NLGN4X: variants seen among roughly 807,000 people sequenced by gnomAD.
NLGN4X encodes neuroligin-4, X-linked.
NLGN4X carries 3 observed loss-of-function variants against 40.3 expected under a neutral mutation model. The observed-to-expected ratio is 0.07, with a 90% CI of 0.03 to 0.19. The LOEUF (loss-of-function observed/expected upper bound fraction) is 0.19, where lower values mean the gene tolerates loss of function less well. NLGN4X is among the 10% of genes least tolerant of loss of function. The pLI, the probability that NLGN4X is intolerant of heterozygous loss-of-function variation, is 1.00. For synonymous variants in NLGN4X, 270 were observed against 306.8 expected, an observed-to-expected ratio of 0.88 and a Z score of 1.25; for missense variants, 382 against 708.3, an observed-to-expected ratio of 0.54 and a Z score of 5.23.
At chrX:6,139,716 GT>G (rs771266128) in intron 2 of NLGN4X, among the ~76,000 whole-genome samples, 74 of 111,692 alleles carry the variant, frequency 6.6e-4, no homozygotes, top group African/African-American at 2.3e-3. Flanking sequence ...TTGATGAAAC[GT>G]TGGTTTAGTT....
chrX:6,226,760 G>A (rs1297287297), intron 1 of NLGN4X: 1 of 118,826 alleles, frequency 8.4e-6, no homozygotes, highest in Non-Finnish European at 1.7e-5. Context: ...GAAAACCAGA[G>A]GCGGAGGGAG....
At chrX:6,071,146 T>C (rs759958379) in intron 2 of NLGN4X, among the ~76,000 whole-genome samples, 1 of 111,642 alleles carries the variant, frequency 9.0e-6, no homozygotes, top group African/African-American at 3.3e-5. Flanking sequence ...TTTCATAAAC[T>C]TGGGCAGAGA....
At chrX:5,908,806 C>G (rs779607482) in intron 4 of NLGN4X, among the ~76,000 whole-genome samples, 6 of 111,615 alleles carry the variant, frequency 5.4e-5, no homozygotes, top group Non-Finnish European at 1.1e-4. Context: ...ATGGGAGAAG[C>G]CTTAAGCCCA....
chrX:5,960,744 G>C (rs1030341170), intron 3 of NLGN4X, among the ~76,000 whole-genome samples: 1 of 111,245 alleles, frequency 9.0e-6, no homozygotes, highest in African/African-American at 3.3e-5. Flanking sequence ...GTTTTAGGAA[G>C]GCAGGTGGAT....
At chrX:6,042,730 T>TATATATATATACACACACAC (rs1215396694) in intron 2 of NLGN4X, among the ~76,000 whole-genome samples, 1 of 20,168 alleles carries the variant, frequency 5.0e-5, no homozygotes, top group Non-Finnish European at 9.1e-5. Context: ...TATATATATA[T>TATATATATATACACACACAC]ACACACACAC....
intron 1 of NLGN4X, among the ~76,000 whole-genome samples, chrX:6,173,333 C>T (rs1602364738): frequency 9.0e-6 from 1 of 111,475 alleles, no homozygotes; most frequent in East Asian, 2.8e-4. Context: ...TTTCTCTGAC[C>T]CTCCCCTGAC....
intron 5 of NLGN4X, among the ~76,000 whole-genome samples, chrX:5,900,520 C>T (rs1333037529): frequency 2.3e-4 from 24 of 106,103 alleles, no homozygotes; most frequent in African/African-American, 7.6e-4. Context: ...AAGCGTGAAC[C>T]GATACATTTC....
At chrX:6,003,518 A>T (rs5961916) in intron 3 of NLGN4X, among the ~76,000 whole-genome samples, 3,330 of 111,661 alleles carry the variant, frequency 0.03, 116 homozygotes, top group East Asian at 0.17. Flanking sequence ...ATTCCATAAA[A>T]CAAACGAAAA....
chrX:6,178,521 CTG>C (rs1390561975), intron 1 of NLGN4X, among the ~76,000 whole-genome samples: 2 of 112,293 alleles, frequency 1.8e-5, no homozygotes, highest in Non-Finnish European at 3.8e-5. Context: ...CTTCTTCACA[CTG>C]TTTCTACCAC....
chrX:5,917,255 C>T, intron 3 of NLGN4X, among the ~76,000 whole-genome samples: 1 of 112,428 alleles, frequency 8.9e-6, no homozygotes, highest in South Asian at 3.7e-4. Context: ...GTCAGTGTGA[C>T]CTGAAGGTCA....
chrX:5,917,736 CA>C (rs778002423), intron 3 of NLGN4X, among the ~76,000 whole-genome samples: 38 of 111,805 alleles, frequency 3.4e-4, no homozygotes, highest in Admixed American at 1.1e-3. Flanking sequence ...GCTTCATCTA[CA>C]CATACTAGGA....
intron 3 of NLGN4X, among the ~76,000 whole-genome samples, chrX:5,945,865 C>T (rs2034105608): frequency 9.0e-6 from 1 of 111,036 alleles, no homozygotes; most frequent in South Asian, 3.9e-4. Context: ...GTACAAAACC[C>T]CATGATTCTA....
intron 2 of NLGN4X, among the ~76,000 whole-genome samples, chrX:6,056,272 T>C (rs2037622848): frequency 9.0e-6 from 1 of 111,190 alleles, no homozygotes; most frequent in South Asian, 3.8e-4. Context: ...GGTCAGGAGT[T>C]TGAGACCAGC....
At chrX:6,124,131 T>C (rs1264231710) in intron 2 of NLGN4X, among the ~76,000 whole-genome samples, 1 of 110,328 alleles carries the variant, frequency 9.1e-6, no homozygotes. Flanking sequence ...ATGTCAAAAA[T>C]GGATAATAAA....
intron 3 of NLGN4X, among the ~76,000 whole-genome samples, chrX:5,972,422 T>C (rs1360775039): frequency 9.0e-6 from 1 of 111,394 alleles, no homozygotes; most frequent in Non-Finnish European, 1.9e-5. Flanking sequence ...TATTTTGCAG[T>C]GACTCATGGA....
chrX:6,047,480 A>G (rs1055588303), intron 2 of NLGN4X, among the ~76,000 whole-genome samples: 8 of 111,594 alleles, frequency 7.2e-5, no homozygotes, highest in Non-Finnish European at 1.3e-4. Flanking sequence ...TGTCTCAAAA[A>G]CAAAACAAAA....
At chrX:6,031,803 C>T (rs1335570731) in intron 2 of NLGN4X, among the ~76,000 whole-genome samples, 1 of 101,915 alleles carries the variant, frequency 9.8e-6, no homozygotes, top group African/African-American at 3.6e-5. Context: ...AAAAAAAAAT[C>T]ATTTCTTGTG....
At chrX:6,130,693 G>A (rs148942995) in intron 2 of NLGN4X, among the ~76,000 whole-genome samples, 69 of 112,780 alleles carry the variant, frequency 6.1e-4, no homozygotes, top group African/African-American at 2.2e-3. Flanking sequence ...TTGGCCAGAG[G>A]CCATTATTTT....
chrX:6,082,776 T>C (rs1359562986), intron 2 of NLGN4X, among the ~76,000 whole-genome samples: 6 of 108,589 alleles, frequency 5.5e-5, no homozygotes, highest in Non-Finnish European at 1.1e-4. Flanking sequence ...GTGGGTGTGC[T>C]GAGGGAACTG....
Sources: gnomAD v4.1 joint callset for allele counts (sites outside exome capture counted in the v4.1 genomes callset) on GRCh38, gnomAD v4.1.1 for gene constraint, MANE v1.5 for transcripts, NCBI Gene and HGNC (gene_info 2026-07-23, HGNC 2026-07-21) for gene names.